The following RUNX2 variants were observed in gnomAD, a reference collection of about 807,000 sequenced individuals.
RUNX2 encodes RUNX family transcription factor 2.
In RUNX2, 10 loss-of-function variants were observed where a neutral mutation model predicts 51.7. The observed-to-expected ratio is 0.19, with a 90% CI of 0.12 to 0.33. The LOEUF (loss-of-function observed/expected upper bound fraction) is 0.33, where lower values mean the gene tolerates loss of function less well. RUNX2 is among the 10% of genes least tolerant of loss of function. The pLI, the probability that RUNX2 is intolerant of heterozygous loss-of-function variation, is 1.00. For missense variants in RUNX2, 562 were observed against 691.3 expected, an observed-to-expected ratio of 0.81 and a Z score of 2.10; for synonymous variants, 276 against 273.6, an observed-to-expected ratio of 1.01 and a Z score of -0.09.
chr6:45,405,131 T>C (rs947375731), intron 2 of RUNX2, among the ~76,000 whole-genome samples: 4 of 152,238 alleles, frequency 2.6e-5, no homozygotes, highest in Non-Finnish European at 4.4e-5. Flanking sequence ...TTGTTAATTC[T>C]CCATAAAATC....
At chr6:45,330,036 T>G (rs1787135698) in intron 2 of RUNX2, among the ~76,000 whole-genome samples, 1 of 151,984 alleles carries the variant, frequency 6.6e-6, no homozygotes, top group South Asian at 2.1e-4. Context: ...AGTCTCAGTT[T>G]AGGTCAAACA....
chr6:45,492,503 A>T (rs769136206), intron 6 of RUNX2, among the ~76,000 whole-genome samples: 4 of 152,202 alleles, frequency 2.6e-5, no homozygotes, highest in Non-Finnish European at 5.9e-5. Context: ...CATTTCTTAC[A>T]TGTATAACTA....
At chr6:45,434,499 T>A (rs1366741012) in intron 4 of RUNX2, among the ~76,000 whole-genome samples, 1 of 152,068 alleles carries the variant, frequency 6.6e-6, no homozygotes, top group African/African-American at 2.4e-5. Flanking sequence ...TGAAAAACAA[T>A]CTTAGATTAT....
chr6:45,349,924 A>C (rs1581794686), intron 2 of RUNX2, among the ~76,000 whole-genome samples: 1 of 152,228 alleles, frequency 6.6e-6, no homozygotes, highest in African/African-American at 2.4e-5. Flanking sequence ...GCTAATTTCA[A>C]GTAAAATTGG....
chr6:45,417,755 C>T (rs1403237983), intron 2 of RUNX2, among the ~76,000 whole-genome samples: 2 of 152,168 alleles, frequency 1.3e-5, no homozygotes, highest in African/African-American at 4.8e-5. Flanking sequence ...AATGACTGAC[C>T]ATAGGTATAT....
At chr6:45,463,851 T>G (rs1405344794) in intron 5 of RUNX2, among the ~76,000 whole-genome samples, 1 of 152,170 alleles carries the variant, frequency 6.6e-6, no homozygotes, top group Non-Finnish European at 1.5e-5. Context: ...TAAGACTAAT[T>G]TGACAATGAG....
At chr6:45,414,754 CTTTTTTTT>C (rs34672680) in intron 2 of RUNX2, among the ~76,000 whole-genome samples, 5 of 33,448 alleles carry the variant, frequency 1.5e-4, no homozygotes, top group Admixed American at 1.3e-3. Context: ...CAGATCCTGG[CTTTTTTTT>C]TTTTTTTTTT....
intron 5 of RUNX2, among the ~76,000 whole-genome samples, chr6:45,462,930 C>T (rs574877888): frequency 3.3e-5 from 5 of 152,186 alleles, no homozygotes; most frequent in Non-Finnish European, 7.4e-5. Flanking sequence ...GAACAAGTTG[C>T]TTGTCTAACC....
chr6:45,547,104 G>C lies in RUNX2; in HGVS notation c.1365G>C (p.Gln455His). 6.2e-7 allele frequency: 1 copy of C among 1,614,072 alleles called. No individual in the cohort carries two copies. The highest frequency in any genetic ancestry group is 8.5e-7 in the Non-Finnish European group (1 of 1,180,018). ...LYYGTSSGSY[Q>H]FPMVPGGDRS... is the part of the protein sequence containing the mutation. ...ATGGCACTTCGTCAGGATCCTATCA[G>C]TTTCCCATGGTGCCGGGGGGAGACC... is the stretch of plus-strand genomic sequence containing the variant. Residue 455 changes from glutamine to histidine, a missense_variant, in exon 9 of 9, where the codon CAG becomes CAC. Gln to His is a conservative substitution (Grantham distance 24). This residue lies in a region of RUNX2 where 304 missense variants were observed against 353.2 expected (regional missense o/e 0.86). Coordinates refer to ENST00000647337, the MANE Select transcript of RUNX2 (RefSeq NM_001024630.4).
chr6:45,453,711 G>A (rs1799240822), intron 5 of RUNX2, among the ~76,000 whole-genome samples: 1 of 152,190 alleles, frequency 6.6e-6, no homozygotes, highest in Non-Finnish European at 1.5e-5. Flanking sequence ...GAACAAAAGT[G>A]GATGGTTTGG....
intron 2 of RUNX2, among the ~76,000 whole-genome samples, chr6:45,330,160 G>GT (rs1196116935): frequency 1.3e-5 from 2 of 151,790 alleles, no homozygotes; most frequent in African/African-American, 2.4e-5. Flanking sequence ...CTCAATAGCT[G>GT]TAAGTGGGCC....
At position 45,537,732 on chromosome 6, in the gene RUNX2, T is replaced by C. The variant is rs181628407; in HGVS notation, c.1022-7485T>C. On this transcript the variant is annotated intron_variant, in intron 7 of 8. Transcript: ENST00000647337. ...ATAGGCAGTTCTAGTTCCCAGCCCA[T>C]CATCAAGCAGCTTCAAGTCAGAACA... 4.7e-4 allele frequency among the ~76,000 whole-genome samples: 71 copies of C among 152,266 alleles called. 1 individual carries two copies. In the East Asian group the frequency reaches 0.012, roughly 27 times the overall value.
chr6:45,337,706 C>T (rs1028406924), intron 2 of RUNX2, among the ~76,000 whole-genome samples: 2 of 151,832 alleles, frequency 1.3e-5, no homozygotes, highest in Admixed American at 6.6e-5. Context: ...ATATGATACA[C>T]TTCTAGAAGC....
At chr6:45,537,717 C>G (rs1025965922) in intron 7 of RUNX2, among the ~76,000 whole-genome samples, 7 of 152,146 alleles carry the variant, frequency 4.6e-5, no homozygotes, top group African/African-American at 1.7e-4. Context: ...ATAGGCAGTT[C>G]TAGTTCCCAG....
At chr6:45,540,510 A>C (rs1371970929) in intron 7 of RUNX2, among the ~76,000 whole-genome samples, 1 of 151,986 alleles carries the variant, frequency 6.6e-6, no homozygotes, top group Non-Finnish European at 1.5e-5. Context: ...CAGATCTACC[A>C]TGCCTGCAGG....
At chr6:45,425,300 A>T (rs1254539053) in intron 3 of RUNX2, among the ~76,000 whole-genome samples, 1 of 152,218 alleles carries the variant, frequency 6.6e-6, no homozygotes, top group Non-Finnish European at 1.5e-5. Context: ...TGTTTTTTGC[A>T]CTTTAGCTTG....
chr6:45,478,877 TTTTTCTTTTC>T (rs536305366), intron 5 of RUNX2, among the ~76,000 whole-genome samples: 10 of 152,214 alleles, frequency 6.6e-5, no homozygotes, highest in African/African-American at 2.2e-4. Flanking sequence ...ACAGACTTTT[TTTTTCTTTTC>T]TTTTCTTTTC....
chr6:45,510,963 C>T (rs758442557), intron 6 of RUNX2, among the ~76,000 whole-genome samples: 2 of 152,096 alleles, frequency 1.3e-5, no homozygotes, highest in Non-Finnish European at 2.9e-5. Context: ...AGAACTTGGA[C>T]CTAATTCTGA....
intron 7 of RUNX2, 102 bp from the exon 8 acceptor site, chr6:45,545,115 C>T (rs1194873536): frequency 8.5e-6 from 8 of 944,858 alleles, no homozygotes; most frequent in Non-Finnish European, 1.3e-5. Flanking sequence ...TCTCTGTCTA[C>T]CCCTCCCCTA....
Sources: allele counts gnomAD v4.1 joint callset (sites outside exome capture counted in the v4.1 genomes callset), GRCh38; gene constraint gnomAD v4.1.1; regional missense constraint gnomAD v4.1.1; transcripts MANE v1.5; gene names NCBI Gene and HGNC (gene_info 2026-07-23, HGNC 2026-07-21).